The following LYZL1 variants were observed in gnomAD, a reference collection of about 807,000 sequenced individuals.
LYZL1 encodes the protein lysozyme like 1.
A neutral mutation model predicts 17.9 loss-of-function variants in LYZL1; 16 were observed. The ratio of observed to expected loss-of-function variants is 0.90; its 90% CI spans 0.61 to 1.36. LYZL1 has a LOEUF of 1.36. LYZL1 is among the 40% of genes most tolerant of loss of function. The pLI is 0.00. For missense variants in LYZL1, 149 were observed against 188.4 expected (o/e 0.79, Z 1.22); for synonymous variants, 58 against 71.8 (o/e 0.81, Z 0.97).
chr10:29,304,286 C>T (rs1835560891), intron 3 of LYZL1, among the ~76,000 whole-genome samples: 1 of 152,174 alleles, frequency 6.6e-6, no homozygotes, highest in Admixed American at 6.5e-5. Flanking sequence ...GCACAGATTT[C>T]ATTAAAATAA....
chr10:29,301,029 G>T (rs1588660486), intron 3 of LYZL1, among the ~76,000 whole-genome samples: 2 of 152,046 alleles, frequency 1.3e-5, no homozygotes, highest in East Asian at 3.9e-4. Flanking sequence ...ATATGGTTTT[G>T]CTGTGTCCCC....
rs565986801 is a variant in LYZL1 at position 29,308,481 on chromosome 10, C to T, written c.299-1629C>T. Among the ~76,000 whole-genome samples the T allele has an allele frequency of 5.0e-4, 76 of 152,308 alleles. 1 individual carries two copies. The highest frequency in any genetic ancestry group is 1.6e-3 in the African/African-American group (65 of 41,576). ...GGAATATCTAGCACCTCAAACCCAT[C>T]GCAGCGTCTGTTCCTGGAGACCCAA... On this transcript the variant is annotated intron_variant, in intron 3 of 4. Coordinates refer to ENST00000649382, the MANE Select transcript of LYZL1 (RefSeq NM_032517.6).
intron 3 of LYZL1, among the ~76,000 whole-genome samples, chr10:29,309,798 C>T (rs1010593849): frequency 3.3e-5 from 5 of 152,168 alleles, no homozygotes; most frequent in African/African-American, 9.7e-5. Flanking sequence ...GCCTGGCCTG[C>T]GCCTATTTCT....
rs189335827 is a variant in LYZL1, at chr10:29,318,198, A to G, written c.*186A>G. On this transcript the variant is annotated 3_prime_UTR_variant and NMD_transcript_variant, in exon 5 of 5. Transcript: ENST00000494304. Reference sequence around the variant, plus strand: ...AACTACAAGGGAAAAAGTTAAACTCAGCTAGATTTCCCTGCCTGCTCAAGA... The same window carrying G: ...AACTACAAGGGAAAAAGTTAAACTCGGCTAGATTTCCCTGCCTGCTCAAGA... The G allele has an allele frequency of 6.6e-5, 65 of 985,330 alleles. No individual in the cohort carries two copies. The East Asian group carries it at 5.0e-3, about 76-fold the overall frequency. 61.0% of individuals were successfully genotyped at this position (985,330 alleles called of 1,614,324 possible).
chr10:29,299,688 T>G (rs1320338152), intron 3 of LYZL1, among the ~76,000 whole-genome samples: 1 of 152,238 alleles, frequency 6.6e-6, no homozygotes, highest in Non-Finnish European at 1.5e-5. Context: ...TCCTTAACTC[T>G]GGTACTATTT....
At chr10:29,310,442 T>C (rs1207161928) in intron 4 of LYZL1, among the ~76,000 whole-genome samples, 1 of 150,324 alleles carries the variant, frequency 6.7e-6, no homozygotes. Flanking sequence ...TTCCAAACAA[T>C]GGAGAAAGGT....
chr10:29,291,784 G>A lies in LYZL1; in HGVS notation c.-25-59G>A, dbSNP rs534305238. The A allele has an allele frequency of 2.3e-5, 35 of 1,521,086 alleles. 5 individuals carry two copies. The highest frequency in any genetic ancestry group is 8.5e-5 in the South Asian group (7 of 82,690). The allele number at this position is 1,521,086 out of a possible 1,614,324, so 94.2% of individuals were successfully genotyped here. A position where few individuals can be genotyped will look rare whatever the true frequency, so the allele number is the denominator to read the frequency against. On this transcript the variant is annotated intron_variant, in intron 1 of 4. Transcript: ENST00000649382. The stretch of plus-strand genomic sequence containing the variant: ...GGCAGGGCTGTGCACAGTCACCACC[G>A]CTGGATTTCAAAGTTCCTGAACCAA...
At chr10:29,293,135 T>TC (rs1835399865) in intron 3 of LYZL1, among the ~76,000 whole-genome samples, 1 of 117,300 alleles carries the variant, frequency 8.5e-6, no homozygotes, top group Admixed American at 8.2e-5. Flanking sequence ...TTCTTTTTTC[T>TC]TTTTTTTTTT....
At chr10:29,298,794 C>T (rs1835479294) in intron 3 of LYZL1, among the ~76,000 whole-genome samples, 1 of 152,076 alleles carries the variant, frequency 6.6e-6, no homozygotes, top group African/African-American at 2.4e-5. Flanking sequence ...TATCAGCCGT[C>T]CCCAACCTTT....
chr10:29,316,553 C>T (rs952968701), intron 3 of LYZL1, among the ~76,000 whole-genome samples: 1 of 152,062 alleles, frequency 6.6e-6, no homozygotes, highest in Admixed American at 6.5e-5. Flanking sequence ...TTTTACTCAC[C>T]TTATTGGTTA....
At chr10:29,289,335 T>C in intron 1 of LYZL1, 105 bp downstream of exon 1, 5 of 891,416 alleles carry the variant, frequency 5.6e-6, no homozygotes, top group Admixed American at 6.7e-5. Flanking sequence ...TTTGGACTTG[T>C]TTGAGATCAG....
At chr10:29,305,369 C>T (rs1457099757) in intron 3 of LYZL1, among the ~76,000 whole-genome samples, 3 of 152,152 alleles carry the variant, frequency 2.0e-5, no homozygotes, top group Non-Finnish European at 4.4e-5. Context: ...GCTTAAGTGA[C>T]TTCTGTTGGA....
chr10:29,317,659 C>T (rs975065436), intron 4 of LYZL1, among the ~76,000 whole-genome samples: 1 of 152,186 alleles, frequency 6.6e-6, no homozygotes, highest in African/African-American at 2.4e-5. Context: ...AGACACTGAA[C>T]CTCTCTGTTT....
intron 3 of LYZL1, among the ~76,000 whole-genome samples, chr10:29,301,697 C>T (rs978178229): frequency 6.6e-6 from 1 of 151,842 alleles, no homozygotes; most frequent in African/African-American, 2.4e-5. Context: ...CATTTTGTAC[C>T]CCTGAGTTTA....
At chr10:29,315,814 G>T (rs553980409), downstream of LYZL1, among the ~76,000 whole-genome samples, 1 of 150,506 alleles carries the variant, frequency 6.6e-6, no homozygotes, top group African/African-American at 2.5e-5. Flanking sequence ...GTACCACCGC[G>T]CTCCAGTCTG....
At chr10:29,316,245 C>T (rs1444550333) in intron 3 of LYZL1, among the ~76,000 whole-genome samples, 2 of 152,218 alleles carry the variant, frequency 1.3e-5, no homozygotes, top group Admixed American at 6.5e-5. Context: ...TCATTTTTCT[C>T]CCTTCTCTCA....
At chr10:29,311,450 T>G (rs767081213), downstream of LYZL1, among the ~76,000 whole-genome samples, 1 of 151,976 alleles carries the variant, frequency 6.6e-6, no homozygotes, top group Non-Finnish European at 1.5e-5. Flanking sequence ...GGTTAGGAAC[T>G]AGGAGCACCT....
At chr10:29,313,612 C>A (rs1168250142), downstream of LYZL1, among the ~76,000 whole-genome samples, 2 of 152,218 alleles carry the variant, frequency 1.3e-5, no homozygotes, top group African/African-American at 4.8e-5. Flanking sequence ...CCCCTTCCCC[C>A]ATGTTTGATT....
chr10:29,299,617 C>T (rs1287290127), intron 3 of LYZL1, among the ~76,000 whole-genome samples: 1 of 152,124 alleles, frequency 6.6e-6, no homozygotes, highest in Non-Finnish European at 1.5e-5. Context: ...GGCACATATT[C>T]ATCGAGGACT....
Sources: allele counts gnomAD v4.1 joint callset (sites outside exome capture counted in the v4.1 genomes callset), GRCh38; gene constraint gnomAD v4.1.1; transcripts MANE v1.5; gene names NCBI Gene and HGNC (gene_info 2026-07-23, HGNC 2026-07-21).